Variants in GALNTL6 observed in about 807,000 individuals in gnomAD.
GALNTL6 encodes the protein polypeptide N-acetylgalactosaminyltransferase-like 6.
A neutral mutation model predicts 73.7 loss-of-function variants in GALNTL6; 46 were observed. The observed-to-expected ratio is 0.62, with a 90% CI of 0.49 to 0.80. The LOEUF (loss-of-function observed/expected upper bound fraction) is 0.80, where lower values mean the gene tolerates loss of function less well. GALNTL6 is among the 30% of genes least tolerant of loss of function. The pLI, the probability that GALNTL6 is intolerant of heterozygous loss-of-function variation, is 0.00. For synonymous variants in GALNTL6, 259 were observed against 263.7 expected, an observed-to-expected ratio of 0.98 and a Z score of 0.17; for missense variants, 604 against 755.0, an observed-to-expected ratio of 0.80 and a Z score of 2.34.
At chr4:172,996,176 A>G (rs1450776717) in intron 10 of GALNTL6, among the ~76,000 whole-genome samples, 1 of 152,076 alleles carries the variant, frequency 6.6e-6, no homozygotes, top group African/African-American at 2.4e-5. Context: ...ACACACACAC[A>G]CACACACACA....
intron 5 of GALNTL6, among the ~76,000 whole-genome samples, chr4:172,634,279 T>C (rs186428527): frequency 1.3e-3 from 205 of 152,332 alleles, no homozygotes; most frequent in African/African-American, 4.5e-3. Flanking sequence ...ACAAAAACAG[T>C]CTGCCTGCAA....
chr4:172,005,201 T>C (rs1297489820), intron 2 of GALNTL6, among the ~76,000 whole-genome samples: 1 of 152,128 alleles, frequency 6.6e-6, no homozygotes, highest in Non-Finnish European at 1.5e-5. Flanking sequence ...CTTGGCTCAC[T>C]GCAACTTCTG....
chr4:172,951,645 T>G (rs996989435), intron 9 of GALNTL6, among the ~76,000 whole-genome samples: 2 of 152,256 alleles, frequency 1.3e-5, no homozygotes, highest in Non-Finnish European at 2.9e-5. Flanking sequence ...TGGAAATGCT[T>G]TAAGCAATTT....
At chr4:172,091,595 G>C (rs764321354) in intron 2 of GALNTL6, among the ~76,000 whole-genome samples, 1 of 152,050 alleles carries the variant, frequency 6.6e-6, no homozygotes, top group African/African-American at 2.4e-5. Flanking sequence ...CTGATAACAT[G>C]ACGTTCCAGT....
At chr4:172,896,737 A>G (rs1746353185) in intron 8 of GALNTL6, among the ~76,000 whole-genome samples, 2 of 152,198 alleles carry the variant, frequency 1.3e-5, no homozygotes, top group Admixed American at 6.5e-5. Context: ...CAAAGCTGAT[A>G]CTAGGCCCTC....
chr4:172,112,792 G>C (rs1024410045), intron 2 of GALNTL6, among the ~76,000 whole-genome samples: 1 of 151,794 alleles, frequency 6.6e-6, no homozygotes, highest in Non-Finnish European at 1.5e-5. Context: ...AATGGGATAA[G>C]CACTCTTATA....
Position 172,509,825 on chromosome 4 carries a change from G to A in GALNTL6, c.553+161136G>A, listed in dbSNP as rs1381996838. Reference sequence around the variant, plus strand: ...GTGCCCATTTTGATGCCAGTACCATGCTGTTTTGGTGACTATAGCCTTGTA... The same window carrying A: ...GTGCCCATTTTGATGCCAGTACCATACTGTTTTGGTGACTATAGCCTTGTA... On this transcript the variant is annotated intron_variant, in intron 5 of 12. Coordinates refer to ENST00000506823, the MANE Select transcript of GALNTL6 (RefSeq NM_001034845.3). Among the ~76,000 whole-genome samples the A allele has an allele frequency of 1.1e-4, 6 of 55,520 alleles. 2 individuals carry two copies. Among genetic ancestry groups the A allele is most frequent in the African/African-American group, 2.7e-4 (6 of 22,196 alleles). The allele number at this position is 55,520 out of a possible 152,430, so 36.4% of individuals were successfully genotyped here. A position where few individuals can be genotyped will look rare whatever the true frequency, so the allele number is the denominator to read the frequency against.
At chr4:172,451,163 A>C (rs1032874353) in intron 5 of GALNTL6, among the ~76,000 whole-genome samples, 1 of 152,194 alleles carries the variant, frequency 6.6e-6, no homozygotes, top group African/African-American at 2.4e-5. Flanking sequence ...GAAGATTCTC[A>C]TGGTAATTTA....
In GALNTL6 at chr4:172,707,743, C is replaced by T. The variant is rs140583093; in HGVS notation, c.554-101618C>T. On this transcript the variant is annotated intron_variant, in intron 5 of 12. Transcript: ENST00000506823. ...AGCAATGACAGCTGGGGATTTATAG[C>T]CAACAAGCAGAGTAATTAGAAAATT... Among the ~76,000 whole-genome samples, 717 of 152,100 alleles carry T rather than the reference C, an allele frequency of 4.7e-3. 5 individuals carry two copies. The highest frequency in any genetic ancestry group is 0.017 in the African/African-American group (688 of 41,490).
At chr4:172,182,283 T>C (rs572191542) in intron 2 of GALNTL6, among the ~76,000 whole-genome samples, 2 of 152,222 alleles carry the variant, frequency 1.3e-5, no homozygotes, top group South Asian at 2.1e-4. Context: ...TGGAGTTCTG[T>C]TTTCATTAGA....
At chr4:172,210,681 A>G (rs1422980883) in intron 2 of GALNTL6, among the ~76,000 whole-genome samples, 1 of 152,122 alleles carries the variant, frequency 6.6e-6, no homozygotes. Flanking sequence ...TCCACTATAA[A>G]GTTATTCTCA....
At chr4:172,188,491 T>C (rs836315) in intron 2 of GALNTL6, among the ~76,000 whole-genome samples, 151,948 of 152,276 alleles carry the variant, frequency 1, 75,812 homozygotes, top group Non-Finnish European at 1. Flanking sequence ...AGTGACACGG[T>C]GTCTGCTCTC....
intron 5 of GALNTL6, among the ~76,000 whole-genome samples, chr4:172,541,674 C>A (rs1411514040): frequency 1.3e-5 from 2 of 152,182 alleles, no homozygotes; most frequent in Non-Finnish European, 2.9e-5. Context: ...AGATATGCTT[C>A]TTCCCTTGGG....
intron 5 of GALNTL6, among the ~76,000 whole-genome samples, chr4:172,444,021 G>C (rs1172729739): frequency 6.6e-6 from 1 of 152,188 alleles, no homozygotes; most frequent in Non-Finnish European, 1.5e-5. Context: ...CAGTTAGAAG[G>C]CTGCTTTGGT....
intron 2 of GALNTL6, among the ~76,000 whole-genome samples, chr4:171,986,037 C>CAAAAAAAAAAAAA (rs10686994): frequency 1.2e-5 from 1 of 82,126 alleles, no homozygotes; most frequent in African/African-American, 5.3e-5. Flanking sequence ...GACTCTGTCT[C>CAAAAAAAAAAAAA]AAAAAAAAAA....
At chr4:172,427,918 C>A (rs924017968) in intron 5 of GALNTL6, among the ~76,000 whole-genome samples, 2 of 152,146 alleles carry the variant, frequency 1.3e-5, no homozygotes, top group African/African-American at 4.8e-5. Context: ...TACTGTCTAT[C>A]AATAAATGCA....
chr4:171,904,362 G>A (rs2110948922), intron 2 of GALNTL6, among the ~76,000 whole-genome samples: 1 of 152,286 alleles, frequency 6.6e-6, no homozygotes, highest in South Asian at 2.1e-4. Context: ...AGCCTCAGGA[G>A]CCGATGCGAT....
At chr4:173,022,074 G>GAAGGAAGGAAGGAAA (rs1554012023) in intron 12 of GALNTL6, among the ~76,000 whole-genome samples, 8 of 107,598 alleles carry the variant, frequency 7.4e-5, no homozygotes, top group South Asian at 3.0e-4. Context: ...AAGGAAGGAA[G>GAAGGAAGGAAGGAAA]GAAGGAAGGA....
intron 2 of GALNTL6, among the ~76,000 whole-genome samples, chr4:171,828,269 A>T (rs1246920827): frequency 6.6e-6 from 1 of 152,200 alleles, no homozygotes; most frequent in African/African-American, 2.4e-5. Flanking sequence ...GATGCTAATC[A>T]CTTGGAGAAG....
Sources: gnomAD v4.1 joint callset for allele counts (sites outside exome capture counted in the v4.1 genomes callset) on GRCh38, gnomAD v4.1.1 for gene constraint, MANE v1.5 for transcripts, NCBI Gene and HGNC (gene_info 2026-07-23, HGNC 2026-07-21) for gene names.